BSPH1: variants seen among roughly 807,000 people sequenced by gnomAD.
BSPH1 encodes binder of sperm protein homolog 1.
In BSPH1, 21 loss-of-function variants were observed where a neutral mutation model predicts 22.5. The ratio of observed to expected loss-of-function variants is 0.93; its 90% CI spans 0.66 to 1.35. The LOEUF (loss-of-function observed/expected upper bound fraction) is 1.35. BSPH1 is among the 40% of genes most tolerant of loss of function. BSPH1 has a pLI of 0.00. For synonymous variants in BSPH1, 42 were observed against 53.6 expected (o/e 0.78, Z 0.95); for missense variants, 141 against 154.2 (o/e 0.91, Z 0.45).
chr19:47,988,233 C>A (rs1969489108), intron 1 of BSPH1, among the ~76,000 whole-genome samples: 1 of 152,124 alleles, frequency 6.6e-6, no homozygotes, highest in South Asian at 2.1e-4. Context: ...CCTTATCCTG[C>A]CTCTTTAATA....
chr19:47,985,195 A>C (rs572424789), intron 1 of BSPH1, among the ~76,000 whole-genome samples: 30 of 152,294 alleles, frequency 2.0e-4, no homozygotes, highest in African/African-American at 6.7e-4. Flanking sequence ...ACAAATCTGC[A>C]CATGTACCTC....
chr19:47,984,923 C>T (rs996440600), intron 1 of BSPH1, among the ~76,000 whole-genome samples: 2 of 151,552 alleles, frequency 1.3e-5, no homozygotes, highest in Non-Finnish European at 2.9e-5. Flanking sequence ...AAAAATTAGC[C>T]GGACATGGTG....
In BSPH1 at chr19:47,973,218, AAATAATAATAATAATAAT is replaced by A. The variant is rs60548503; in HGVS notation, c.*2+3474_*2+3491del. Among the ~76,000 whole-genome samples the A allele has an allele frequency of 3.3e-3, 430 of 132,110 alleles. 4 individuals carry two copies. Among genetic ancestry groups the A allele is most frequent in the East Asian group, 0.012 (47 of 4,048 alleles). 86.7% of individuals were successfully genotyped at this position (132,110 alleles called of 152,430 possible). ...GGTGTCAGAGCGAGACTCCGTCTCA[AAATAATAATAATAATAAT>A]AATAATAATAATAATAATAATAATA... On this transcript the variant is annotated intron_variant, in intron 5 of 5. Transcript: ENST00000344839.
At chr19:47,971,469 G>A (rs547468323) in intron 5 of BSPH1, among the ~76,000 whole-genome samples, 1 of 152,232 alleles carries the variant, frequency 6.6e-6, no homozygotes, top group Admixed American at 6.5e-5. Context: ...GCCTCCCAAA[G>A]TGCTGGGATG....
chr19:47,973,242 TA>T lies in BSPH1; in HGVS notation c.*2+3467del, dbSNP rs939092715. Among the ~76,000 whole-genome samples, 243 of 146,070 alleles carry T rather than the reference TA, an allele frequency of 1.7e-3. 1 individual carries two copies. The highest frequency in any genetic ancestry group is 2.8e-3 in the Non-Finnish European group (191 of 67,108). On this transcript the variant is annotated intron_variant, in intron 5 of 5. Coordinates refer to ENST00000344839, the MANE Select transcript of BSPH1 (RefSeq NM_001128326.2). ...AAAATAATAATAATAATAATAATAA[TA>T]ATAATAATAATAATAATAATGTAGG...
chr19:47,984,766 G>T (rs1969453167), intron 1 of BSPH1, among the ~76,000 whole-genome samples: 1 of 152,012 alleles, frequency 6.6e-6, no homozygotes, highest in African/African-American at 2.4e-5. Flanking sequence ...GGTAAGGAGG[G>T]GACCCAGGCT....
intron 5 of BSPH1, among the ~76,000 whole-genome samples, chr19:47,974,734 T>C (rs569527121): frequency 2.6e-4 from 39 of 152,204 alleles, no homozygotes; most frequent in Admixed American, 2.0e-3. Context: ...GCTCTTACTA[T>C]CCCTGAATAC....
At chr19:47,978,001 G>T (rs1326340686) in intron 3 of BSPH1, among the ~76,000 whole-genome samples, 13 of 110,444 alleles carry the variant, frequency 1.2e-4, no homozygotes, top group Non-Finnish European at 1.7e-4. Context: ...GTTAATACAG[G>T]ATATATATAT....
At chr19:47,982,881 C>A (rs1005702759) in intron 1 of BSPH1, among the ~76,000 whole-genome samples, 7 of 152,092 alleles carry the variant, frequency 4.6e-5, no homozygotes, top group Non-Finnish European at 1.0e-4. Context: ...TATGATTCTA[C>A]TTATATGAGG....
At chr19:47,978,697 A>G (rs1248766083) in intron 3 of BSPH1, among the ~76,000 whole-genome samples, 1 of 152,232 alleles carries the variant, frequency 6.6e-6, no homozygotes. Context: ...AGCACGAAGC[A>G]TTTACACACT....
intron 5 of BSPH1, among the ~76,000 whole-genome samples, chr19:47,973,399 G>A (rs191073323): frequency 2.0e-5 from 3 of 151,998 alleles, no homozygotes; most frequent in African/African-American, 7.2e-5. Flanking sequence ...TCACCAGCAC[G>A]CTCAATTAAT....
Position 47,992,100 on chromosome 19 carries a change from C to G in BSPH1, c.-19G>C, listed in dbSNP as rs745887760. 1.9e-6 allele frequency: 3 copies of G among 1,547,666 alleles called. No individual in the cohort carries two copies. Among genetic ancestry groups the G allele is most frequent in the Non-Finnish European group, 2.6e-6 (3 of 1,143,730 alleles). On this transcript the variant is annotated 5_prime_UTR_variant, in exon 1 of 6. Transcript: ENST00000344839. ...AGCCCATGGGCAGTCACAGGCTTCCCGGTATCTCAGATCTTCCTGGTCTTT... is the reference window on the plus strand; with the variant it reads ...AGCCCATGGGCAGTCACAGGCTTCCGGGTATCTCAGATCTTCCTGGTCTTT...
At position 47,968,696 on chromosome 19, in the gene BSPH1, A is replaced by AAAG. The variant is rs1402988192; in HGVS notation, c.*3-488_*3-487insCTT. On this transcript the variant is annotated intron_variant, in intron 5 of 5. Coordinates refer to ENST00000344839, the MANE Select transcript of BSPH1 (RefSeq NM_001128326.2). ...GACCCTGTCTTAAAAAAAAAAAAAA[A>AAAG]AAAAAAAGAAATCACTGATGGACCA... is the stretch of plus-strand genomic sequence containing the variant. Among the ~76,000 whole-genome samples, 126 of 149,860 alleles carry AAAG rather than the reference A, an allele frequency of 8.4e-4. 1 individual carries two copies. Among genetic ancestry groups the AAAG allele is most frequent in the Non-Finnish European group, 1.2e-3 (79 of 67,322 alleles).
Position 47,982,981 on chromosome 19 carries a change from A to T in BSPH1, c.74-2040T>A, listed in dbSNP as rs117274111. On this transcript the variant is annotated intron_variant, in intron 1 of 5. Transcript: ENST00000344839. ...GGGAGGAATGGGGAGTTATTATTTAATGGGTGCAGAGTTTCAGTTTGGGAC... is the reference window on the plus strand; with the variant it reads ...GGGAGGAATGGGGAGTTATTATTTATTGGGTGCAGAGTTTCAGTTTGGGAC... 6.3e-3 allele frequency among the ~76,000 whole-genome samples: 960 copies of T among 152,284 alleles called. 17 individuals carry two copies. Among genetic ancestry groups the T allele is most frequent in the East Asian group, 0.054 (281 of 5,188 alleles).
chr19:47,975,255 T>C (rs942973157), intron 5 of BSPH1, among the ~76,000 whole-genome samples: 5 of 152,196 alleles, frequency 3.3e-5, no homozygotes, highest in Non-Finnish European at 7.3e-5. Context: ...AGTCTCGAAC[T>C]CCAGGGCTCA....
chr19:47,977,730 C>G (rs1969378648), intron 3 of BSPH1: 1 of 974,984 alleles, frequency 1.0e-6, no homozygotes, highest in Admixed American at 6.2e-5. Flanking sequence ...TATAAACAGT[C>G]TCAAAATTTT....
At chr19:47,970,460 G>A (rs1394261995) in intron 5 of BSPH1, among the ~76,000 whole-genome samples, 1 of 152,194 alleles carries the variant, frequency 6.6e-6, no homozygotes, top group Non-Finnish European at 1.5e-5. Flanking sequence ...ATCATGATAT[G>A]TTGGGGAAAA....
intron 3 of BSPH1, among the ~76,000 whole-genome samples, chr19:47,978,212 C>G (rs1486525379): frequency 1.3e-5 from 2 of 151,918 alleles, no homozygotes; most frequent in East Asian, 3.9e-4. Context: ...TCAAGCAATC[C>G]TCCCACCTCA....
chr19:47,991,606 TCCC>T (rs1165719484), intron 1 of BSPH1, among the ~76,000 whole-genome samples: 1 of 39,964 alleles, frequency 2.5e-5, no homozygotes, highest in African/African-American at 9.2e-5. Flanking sequence ...CTCCTCCTCC[TCCC>T]CCTCTTCCTC....
Sources: allele counts gnomAD v4.1 joint callset (sites outside exome capture counted in the v4.1 genomes callset), GRCh38; gene constraint gnomAD v4.1.1; transcripts MANE v1.5; gene names NCBI Gene and HGNC (gene_info 2026-07-23, HGNC 2026-07-21).